CROCC: variants seen among roughly 807,000 people sequenced by gnomAD.
CROCC encodes rootletin.
Under a neutral mutation model 245.2 loss-of-function variants are expected in CROCC, and 180 were observed. That is an observed-to-expected ratio of 0.73 (90% CI 0.65 to 0.83). The LOEUF is 0.83. CROCC is among the 40% of genes least tolerant of loss of function. The probability of loss-of-function intolerance (pLI) is 0.00; values close to 1 mark genes in which losing one functional copy is unlikely to be tolerated. For synonymous variants in CROCC, 1,205 were observed against 1,241.6 expected (o/e 0.97, Z 0.62); for missense variants, 2,688 against 2,779.4 (o/e 0.97, Z 0.74).
At chr1:16,970,227 C>A in intron 33 of CROCC, 26 bp from the exon 34 acceptor site, 1 of 1,523,558 alleles carries the variant, frequency 6.6e-7, no homozygotes, top group South Asian at 1.2e-5. Flanking sequence ...CAGAGGGATT[C>A]GGGGCCTGCC....
At chr1:16,949,586 T>A (rs2076124084) in intron 19 of CROCC, among the ~76,000 whole-genome samples, 1 of 152,232 alleles carries the variant, frequency 6.6e-6, no homozygotes, top group Non-Finnish European at 1.5e-5. Flanking sequence ...AAGGAGATGC[T>A]TTATGTGTAG....
intron 9 of CROCC, 64 bp from the exon 10 acceptor site, chr1:16,937,577 G>A (rs1189994214): frequency 5.2e-5 from 71 of 1,363,874 alleles, no homozygotes; most frequent in Non-Finnish European, 7.2e-5. Context: ...GGTGGACACA[G>A]AGCTAGTGGA....
rs768662334 is a variant in CROCC, at chr1:16,924,366, C to G, written c.238C>G (p.Gln80Glu). The change falls in exon 3 of 37, where the codon CAG becomes GAG. Residue 80 changes from glutamine (Q) to glutamate (E), a missense_variant. Coordinates refer to ENST00000375541, the MANE Select transcript of CROCC (RefSeq NM_014675.5). ...AGAGATGGCATCGCTGCTGTCGCTGCAGGAGGAGAACCAGCTGCTGCAGCA... is the reference window on the plus strand; with the variant it reads ...AGAGATGGCATCGCTGCTGTCGCTGGAGGAGGAGAACCAGCTGCTGCAGCA... The part of the protein sequence containing the change: ...ATEMASLLSL[Q>E]EENQLLQQEL... The G allele has an allele frequency of 6.2e-7, 1 of 1,613,272 alleles. No individual in the cohort carries two copies. The highest frequency in any genetic ancestry group is 1.1e-5 in the South Asian group (1 of 91,038).
Position 16,968,274 on chromosome 1 carries a change from G to A in CROCC, c.4932G>A (p.Leu1644=). ...ACAAGCGGCGCCTGAAGGAGGTTCT[G>A]GACGCCTCCGAGAGCCGCACTGTCA... ...EGDKRRLKEV[L]DASESRTVKL... Residue 1644 remains leucine, a synonymous_variant, in exon 31 of 37, where the codon CTG becomes CTA. Transcript: ENST00000375541. The A allele has an allele frequency of 1.3e-6, 2 of 1,560,408 alleles. No individual in the cohort carries two copies. The highest frequency in any genetic ancestry group is 1.7e-6 in the Non-Finnish European group (2 of 1,153,562).
intron 8 of CROCC, among the ~76,000 whole-genome samples, chr1:16,935,110 G>T (rs2075760081): frequency 6.6e-6 from 1 of 152,194 alleles, no homozygotes; most frequent in African/African-American, 2.4e-5. Context: ...ATGTTGGCCA[G>T]GCTGGTCTTG....
intron 20 of CROCC, 63 bp from the exon 21 acceptor site, chr1:16,953,239 T>C (rs1270829977): frequency 1.3e-5 from 19 of 1,465,060 alleles, no homozygotes; most frequent in Non-Finnish European, 1.8e-5. Context: ...TGCCCTGATG[T>C]TTTGGGGGGT....
At position 16,930,561 on chromosome 1, in the gene CROCC, G is replaced by A; in HGVS notation, c.816G>A (p.Glu272=). 1.2e-6 allele frequency: 2 copies of A among 1,612,182 alleles called. No individual in the cohort carries two copies. The highest frequency in any genetic ancestry group is 1.7e-6 in the Non-Finnish European group (2 of 1,179,682). Residue 272 remains glutamate (E), a synonymous_variant, in exon 7 of 37, where the codon GAG becomes GAA. Coordinates refer to ENST00000375541, the MANE Select transcript of CROCC (RefSeq NM_014675.5). ...NDWTRCRKEL[E]HREAAWRREE... ...GGACACGCTGCCGCAAGGAGCTGGA[G>A]CACCGGGAGGCGGCGTGGAGGCGCG...
At chr1:16,960,628 G>T in intron 26 of CROCC, 130 bp from the exon 27 acceptor site, 1 of 1,204,012 alleles carries the variant, frequency 8.3e-7, no homozygotes, top group South Asian at 3.1e-5. Flanking sequence ...TGCTTGAGTG[G>T]CGAGCACTAA....
chr1:16,961,472 A>G (rs1207361140), intron 27 of CROCC, among the ~76,000 whole-genome samples: 2 of 151,746 alleles, frequency 1.3e-5, no homozygotes, highest in East Asian at 1.9e-4. Flanking sequence ...GGGTCTCACT[A>G]TGTTGCCCAG....
Position 16,939,114 on chromosome 1 carries a change from C to T in CROCC, c.1580C>T (p.Ala527Val), listed in dbSNP as rs370550190. Residue 527 changes from alanine to valine, a missense_variant, in exon 12 of 37, where the codon GCC becomes GTC. Around this residue, in one of 9 missense-constraint regions of CROCC, gnomAD observed 972 missense variants for 895.3 expected, o/e 1.09. Coordinates refer to ENST00000375541, the MANE Select transcript of CROCC (RefSeq NM_014675.5). ...TCCACGCTCGCCCTGATCCACTCCGCCCTGCACAAGCGCCAGCTGCAGGTC... is the reference window on the plus strand; with the variant it reads ...TCCACGCTCGCCCTGATCCACTCCGTCCTGCACAAGCGCCAGCTGCAGGTC... The part of the protein sequence containing the change: ...DSSTLALIHS[A>V]LHKRQLQVQD... The T allele has an allele frequency of 8.4e-6, 13 of 1,548,800 alleles. No homozygotes were observed. The highest frequency in any genetic ancestry group is 1.4e-5 in the African/African-American group (1 of 71,620).
intron 18 of CROCC, 77 bp downstream of exon 18, chr1:16,948,601 C>T (rs559102346): frequency 2.6e-5 from 38 of 1,473,952 alleles, no homozygotes; most frequent in Middle Eastern, 2.5e-4. Flanking sequence ...CACGCAGGCA[C>T]GGGCCCCCAG....
Position 16,930,326 on chromosome 1 carries a change from G to T in CROCC, c.662G>T (p.Arg221Leu), listed in dbSNP as rs376001515. The T allele has an allele frequency of 6.2e-7, 1 of 1,609,780 alleles. No homozygotes were observed. Among genetic ancestry groups the T allele is most frequent in the South Asian group, 1.1e-5 (1 of 90,556 alleles). The change falls in exon 6 of 37, where the codon CGG becomes CTG. Residue 221 changes from arginine (R) to leucine (L), a missense_variant. By Grantham distance (102) the Arg-to-Leu change is moderately radical. Coordinates refer to ENST00000375541, the MANE Select transcript of CROCC (RefSeq NM_014675.5). ...CAAGACCTGGAAAGCGCCCTCATCC[G>T]GCTGGAGGAGGAGCAGCAGAGGTGA... ...HSQDLESALI[R>L]LEEEQQRSAS...
In CROCC at chr1:16,970,292, A is replaced by G; in HGVS notation, c.5491A>G (p.Asn1831Asp). ...GCAGGAGGGTGAGGCTGCAGCCCTG[A>G]ACACCGTCCAGAAGCTGCAAGACGA... is the stretch of plus-strand genomic sequence containing the variant. ...QRQEGEAAAL[N>D]TVQKLQDERR... The change falls in exon 34 of 37, where the codon AAC becomes GAC. Residue 1831 changes from asparagine to aspartate, a missense_variant. Asn to Asp is a conservative substitution (Grantham distance 23). This residue lies in a region of CROCC where 1,218 missense variants were observed against 1,286.3 expected (regional missense o/e 0.95). Coordinates refer to ENST00000375541, the MANE Select transcript of CROCC (RefSeq NM_014675.5). 1 of 1,581,244 alleles carries G rather than the reference A, an allele frequency of 6.3e-7. No homozygotes were observed. The highest frequency in any genetic ancestry group is 8.6e-7 in the Non-Finnish European group (1 of 1,164,788).
In CROCC at chr1:16,929,828, C is replaced by T. The variant is rs554315283; in HGVS notation, c.352-18C>T. On this transcript the variant is annotated intron_variant, in intron 3 of 36. Coordinates refer to ENST00000375541, the MANE Select transcript of CROCC (RefSeq NM_014675.5). Reference sequence around the variant, plus strand: ...TCCCAGGAGGCCCAGGACTCTCACCCAGGGCCCTTCCCTGCAGCTGGAGCA... The same window carrying T: ...TCCCAGGAGGCCCAGGACTCTCACCTAGGGCCCTTCCCTGCAGCTGGAGCA... The T allele has an allele frequency of 1.3e-6, 2 of 1,530,434 alleles. No homozygotes were observed. The highest frequency in any genetic ancestry group is 1.8e-6 in the Non-Finnish European group (2 of 1,141,528). 94.8% of individuals were successfully genotyped at this position (1,530,434 alleles called of 1,614,324 possible).
At position 16,923,509 on chromosome 1, in the gene CROCC, G is replaced by A. The variant is rs191179792; in HGVS notation, c.196+711G>A. Among the ~76,000 whole-genome samples, 25 of 152,332 alleles carry A rather than the reference G, an allele frequency of 1.6e-4. No individual in the cohort carries two copies. In the East Asian group the frequency reaches 4.4e-3, roughly 27 times the overall value. On this transcript the variant is annotated intron_variant, in intron 2 of 36. Transcript: ENST00000375541. ...GAACCCACAGGAGGTGGACAACCCC[G>A]CTTCTCCCGCTGGCCTTTCTTTCCC...
At position 16,930,457 on chromosome 1, in the gene CROCC, A is replaced by G. The variant is rs764822302; in HGVS notation, c.712A>G (p.Met238Val). The change falls in exon 7 of 37, where the codon ATG becomes GTG. Residue 238 changes from methionine (M) to valine (V), a missense_variant. Transcript: ENST00000375541. Reference protein sequence around the residue: ...RSASLAQVNAMLREQLDQAGS... With the variant: ...RSASLAQVNAVLREQLDQAGS... ...TGCCAGCCTGGCCCAGGTGAATGCC[A>G]TGCTCCGAGAACAGCTGGACCAGGC... is the stretch of plus-strand genomic sequence containing the variant. The G allele has an allele frequency of 1.2e-5, 19 of 1,612,084 alleles. No individual in the cohort carries two copies. The highest frequency in any genetic ancestry group is 5.0e-5 in the Admixed American group (3 of 60,008).
rs934616193 is a variant in CROCC, at chr1:16,972,520, C to G, written c.*74C>G. The G allele has an allele frequency of 1.4e-4, 134 of 951,180 alleles. No homozygotes were observed. Among genetic ancestry groups the G allele is most frequent in the South Asian group, 3.5e-4 (19 of 54,900 alleles). The allele number at this position is 951,180 out of a possible 1,614,324, so 58.9% of individuals were successfully genotyped here. ...ACCCTTCTTTTGGACAGCCCCCCCACCCAGAGCCCGGTCCCTTGGGGGCCT... is the reference window on the plus strand; with the variant it reads ...ACCCTTCTTTTGGACAGCCCCCCCAGCCAGAGCCCGGTCCCTTGGGGGCCT... On this transcript the variant is annotated 3_prime_UTR_variant, in exon 37 of 37. Transcript: ENST00000375541.
chr1:16,931,557 G>T (rs1397425445), intron 8 of CROCC, among the ~76,000 whole-genome samples, 160 bp downstream of exon 8: 1 of 152,274 alleles, frequency 6.6e-6, no homozygotes, highest in Non-Finnish European at 1.5e-5. Context: ...CACAGTCGTG[G>T]CAGTCAGCAT....
At chr1:16,918,059 T>C (rs1290418328), upstream of CROCC, among the ~76,000 whole-genome samples, 1 of 130,292 alleles carries the variant, frequency 7.7e-6, no homozygotes, top group Non-Finnish European at 1.6e-5. Context: ...GGTGAGCACA[T>C]TGCAGTTTCT....
Sources: gnomAD v4.1 joint callset for allele counts (sites outside exome capture counted in the v4.1 genomes callset) on GRCh38, gnomAD v4.1.1 for gene constraint, gnomAD v4.1.1 regional missense constraint, MANE v1.5 for transcripts, NCBI Gene and HGNC (gene_info 2026-07-23, HGNC 2026-07-21) for gene names.